SEPTIN9: variants seen among roughly 807,000 people sequenced by gnomAD.
The protein encoded by SEPTIN9 is septin 9.
In SEPTIN9, 13 loss-of-function variants were observed where a neutral mutation model predicts 56.6. The observed-to-expected ratio is 0.23, with a 90% CI of 0.15 to 0.37. The LOEUF (loss-of-function observed/expected upper bound fraction) is 0.37. Among genes scored for constraint, SEPTIN9 ranks in the 10% least tolerant of loss-of-function variants. SEPTIN9 has a pLI of 1.00. For missense variants in SEPTIN9, 650 were observed against 823.1 expected (o/e 0.79, Z 2.57); for synonymous variants, 332 against 334.1 (o/e 0.99, Z 0.07).
intron 3 of SEPTIN9, chr17:77,446,320 C>A (rs7218143): frequency 0.066 from 11,033 of 166,428 alleles, 911 homozygotes; most frequent in African/African-American, 0.21. Context: ...CTCCATCCTC[C>A]TACAGCCTCC....
intron 2 of SEPTIN9, among the ~76,000 whole-genome samples, chr17:77,381,138 C>G (rs2035128712): frequency 6.6e-6 from 1 of 152,154 alleles, no homozygotes; most frequent in Non-Finnish European, 1.5e-5. Context: ...CTTGTGGGAC[C>G]CCTTGGGTAT....
intron 3 of SEPTIN9, among the ~76,000 whole-genome samples, chr17:77,424,832 C>T (rs1238067679): frequency 6.6e-6 from 1 of 152,138 alleles, no homozygotes; most frequent in African/African-American, 2.4e-5. Context: ...TGGCGGTCGC[C>T]GGGCCCCCAA....
At chr17:77,341,578 C>T (rs997775397) in intron 2 of SEPTIN9, among the ~76,000 whole-genome samples, 2 of 151,394 alleles carry the variant, frequency 1.3e-5, no homozygotes, top group Admixed American at 6.6e-5. Context: ...AGTTTGAGAC[C>T]AGCCTGGCCA....
intron 3 of SEPTIN9, among the ~76,000 whole-genome samples, chr17:77,414,719 A>G (rs1205512401): frequency 1.3e-5 from 2 of 151,974 alleles, no homozygotes; most frequent in Non-Finnish European, 2.9e-5. Flanking sequence ...CTGAGACTAC[A>G]GGCCTGTGCC....
intron 3 of SEPTIN9, among the ~76,000 whole-genome samples, chr17:77,407,990 C>A (rs549569697): frequency 3.9e-5 from 6 of 151,910 alleles, no homozygotes; most frequent in Non-Finnish European, 5.9e-5. Flanking sequence ...AGAGTTACCC[C>A]CCTCCGGCTC....
rs186064184 is a variant in SEPTIN9, at chr17:77,317,120, G to A, written c.76+9923G>A. On this transcript the variant is annotated intron_variant, in intron 2 of 11. Transcript: ENST00000427177. This position sits in a 1 kb window ranked among gnomAD's most constrained non-coding sequence, Gnocchi z 4.2. ...CTCCAGTGAGCTGAGCCCTGGCTCC[G>A]TCTGTGGCGCTGCATCAGTTTCCTG... is the stretch of plus-strand genomic sequence containing the variant. Among the ~76,000 whole-genome samples the A allele has an allele frequency of 3.9e-3, 589 of 152,324 alleles. 2 individuals carry two copies. Among genetic ancestry groups the A allele is most frequent in the African/African-American group, 0.013 (541 of 41,562 alleles).
At chr17:77,373,175 A>C in intron 2 of SEPTIN9, 1 of 1,061,526 alleles carries the variant, frequency 9.4e-7, no homozygotes. Flanking sequence ...CCCAGCGGCC[A>C]CTCGGGCCCC....
intron 3 of SEPTIN9, among the ~76,000 whole-genome samples, chr17:77,411,932 C>T (rs2144154757): frequency 6.6e-6 from 1 of 151,764 alleles, no homozygotes; most frequent in Non-Finnish European, 1.5e-5. Flanking sequence ...GAGTTCAAGA[C>T]CAGCCTGGCC....
intron 7 of SEPTIN9, among the ~76,000 whole-genome samples, chr17:77,490,418 G>A (rs986168711): frequency 1.3e-5 from 2 of 152,342 alleles, no homozygotes; most frequent in East Asian, 1.9e-4. Context: ...ACAGCAAGAC[G>A]GCTGCTGAGC....
rs575700901 is a variant in SEPTIN9 at position 77,409,432 on chromosome 17, A to G, written c.721+6729A>G. On this transcript the variant is annotated intron_variant, in intron 3 of 11. Coordinates refer to ENST00000427177, the MANE Select transcript of SEPTIN9 (RefSeq NM_001113491.2). Reference sequence around the variant, plus strand: ...CTGCCAAGCACCGTGCAGTGGTGAGAGGAAAGGAGGGCTGGTCCGGGAATG... The same window carrying G: ...CTGCCAAGCACCGTGCAGTGGTGAGGGGAAAGGAGGGCTGGTCCGGGAATG... Among the ~76,000 whole-genome samples, 389 of 152,242 alleles carry G rather than the reference A, an allele frequency of 2.6e-3. 1 individual carries two copies. The highest frequency in any genetic ancestry group is 4.9e-3 in the Non-Finnish European group (332 of 67,996).
Position 77,394,719 on chromosome 17 carries a change from G to A in SEPTIN9, c.77-7340G>A, listed in dbSNP as rs375827911. ...TGAGGCCTGATATGTACACCAGGAAGTGCTTGATCTGGTTTCAGGAGCTGG... is the reference window on the plus strand; with the variant it reads ...TGAGGCCTGATATGTACACCAGGAAATGCTTGATCTGGTTTCAGGAGCTGG... On this transcript the variant is annotated intron_variant, in intron 2 of 11. Coordinates refer to ENST00000427177, the MANE Select transcript of SEPTIN9 (RefSeq NM_001113491.2). Among the ~76,000 whole-genome samples, 30 of 152,352 alleles carry A rather than the reference G, an allele frequency of 2.0e-4. No homozygotes were observed. The South Asian group carries it at 2.7e-3, about 14-fold the overall frequency.
chr17:77,388,589 C>G (rs988042719), intron 2 of SEPTIN9, among the ~76,000 whole-genome samples: 1 of 152,172 alleles, frequency 6.6e-6, no homozygotes, highest in East Asian at 1.9e-4. Flanking sequence ...TCCTCCAAAC[C>G]TCTCCCCTGG....
rs1284826976 is a variant in SEPTIN9 at position 77,500,481 on chromosome 17, T to A, written c.*1823T>A. 1 of 218,792 alleles carries A rather than the reference T, an allele frequency of 4.6e-6. No individual in the cohort carries two copies. The highest frequency in any genetic ancestry group is 9.2e-6 in the Non-Finnish European group (1 of 108,696). 13.6% of individuals were successfully genotyped at this position (218,792 alleles called of 1,614,324 possible). ...AAAAATTGTTCGTTTCATCAGGCTC[T>A]GTTCCTCAATGGCCTTTTGCTACGT... On this transcript the variant is annotated 3_prime_UTR_variant, in exon 12 of 12. Coordinates refer to ENST00000427177, the MANE Select transcript of SEPTIN9 (RefSeq NM_001113491.2).
intron 2 of SEPTIN9, among the ~76,000 whole-genome samples, chr17:77,353,609 A>G (rs1015929975): frequency 6.6e-6 from 1 of 151,998 alleles, no homozygotes. Context: ...TCAGAATGTA[A>G]TGTTATTGGG....
In SEPTIN9 at chr17:77,367,973, A is replaced by G. The variant is rs1296342386; in HGVS notation, c.77-34086A>G. Reference sequence around the variant, plus strand: ...ACAAAGTGTGTGTACACACAGTGGAATATCATTCAGCCTTCAAAAGGAACG... The same window carrying G: ...ACAAAGTGTGTGTACACACAGTGGAGTATCATTCAGCCTTCAAAAGGAACG... On this transcript the variant is annotated intron_variant, in intron 2 of 11. Coordinates refer to ENST00000427177, the MANE Select transcript of SEPTIN9 (RefSeq NM_001113491.2). The surrounding 1 kb of genome is among the most constrained non-coding windows in gnomAD (Gnocchi z 4.5). Among the ~76,000 whole-genome samples the G allele has an allele frequency of 6.6e-6, 1 of 152,268 alleles. No individual in the cohort carries two copies. The highest frequency in any genetic ancestry group is 1.5e-5 in the Non-Finnish European group (1 of 68,046).
At chr17:77,497,676 C>A (rs890556557) in intron 11 of SEPTIN9, 22 of 495,754 alleles carry the variant, frequency 4.4e-5, no homozygotes, top group Middle Eastern at 5.5e-4. Context: ...AGTGAGGCCT[C>A]ATGTGCAGGC....
At position 77,498,963 on chromosome 17, in the gene SEPTIN9, C is replaced by A; in HGVS notation, c.*305C>A. On this transcript the variant is annotated 3_prime_UTR_variant, in exon 12 of 12. Coordinates refer to ENST00000427177, the MANE Select transcript of SEPTIN9 (RefSeq NM_001113491.2). ...CCCCGAGGGCTCAGAAGAGCAGCTTCGGTGTGCAGATCATCCGTCTGTGTG... is the reference window on the plus strand; with the variant it reads ...CCCCGAGGGCTCAGAAGAGCAGCTTAGGTGTGCAGATCATCCGTCTGTGTG... The A allele has an allele frequency of 1.8e-6, 1 of 548,806 alleles. No homozygotes were observed. Among genetic ancestry groups the A allele is most frequent in the South Asian group, 1.5e-5 (1 of 65,352 alleles). 34.0% of individuals were successfully genotyped at this position (548,806 alleles called of 1,614,324 possible).
intron 2 of SEPTIN9, among the ~76,000 whole-genome samples, chr17:77,315,152 C>T (rs9906399): frequency 0.12 from 18,138 of 152,076 alleles, 1,374 homozygotes; most frequent in South Asian, 0.25. Context: ...CCGTGAGGGC[C>T]GGGCCGTGTT....
At chr17:77,334,300 T>C (rs138088018) in intron 2 of SEPTIN9, among the ~76,000 whole-genome samples, 4,398 of 151,832 alleles carry the variant, frequency 0.029, 208 homozygotes, top group African/African-American at 0.1. Context: ...CGGGCGCCTG[T>C]AGTCCCAGAT....
Sources: allele counts gnomAD v4.1 joint callset (sites outside exome capture counted in the v4.1 genomes callset), GRCh38; gene constraint gnomAD v4.1.1; non-coding constraint Gnocchi (gnomAD v3.1); transcripts MANE v1.5; gene names NCBI Gene and HGNC (gene_info 2026-07-23, HGNC 2026-07-21).